Variants in AFMID observed in about 807,000 individuals in gnomAD.
AFMID encodes kynurenine formamidase.
Under a neutral mutation model 47.5 loss-of-function variants are expected in AFMID, and 39 were observed. The observed-to-expected ratio is 0.82, with a 90% CI of 0.64 to 1.07. The LOEUF (loss-of-function observed/expected upper bound fraction) is 1.07, where lower values mean the gene tolerates loss of function less well. Among genes scored for constraint, AFMID ranks in the 50% least tolerant of loss-of-function variants. The probability of loss-of-function intolerance (pLI) is 0.00; values close to 1 mark genes in which losing one functional copy is unlikely to be tolerated. For synonymous variants in AFMID, 130 were observed against 153.2 expected (o/e 0.85, Z 1.12); for missense variants, 375 against 387.5 (o/e 0.97, Z 0.27).
intron 1 of AFMID, 59 bp downstream of exon 1, chr17:78,187,492 T>C: frequency 6.3e-7 from 1 of 1,599,148 alleles, no homozygotes; most frequent in Non-Finnish European, 8.6e-7. Flanking sequence ...ATTTATTAGA[T>C]TGGAATTCCA....
At position 78,205,386 on chromosome 17, in the gene AFMID, C is replaced by T. The variant is rs930317983; in HGVS notation, c.566-54C>T. ...CCCTCTGGCGGTGGGGGTGGGCTGGCCCTGCCTTGCTCCGCCTGGAGCCTG... is the reference window on the plus strand; with the variant it reads ...CCCTCTGGCGGTGGGGGTGGGCTGGTCCTGCCTTGCTCCGCCTGGAGCCTG... On this transcript the variant is annotated intron_variant, in intron 7 of 10. Transcript: ENST00000409257. 14 of 1,598,684 alleles carry T rather than the reference C, an allele frequency of 8.8e-6. No individual in the cohort carries two copies. In the East Asian group the frequency reaches 2.9e-4, roughly 33 times the overall value.
intron 2 of AFMID, among the ~76,000 whole-genome samples, chr17:78,198,396 C>G (rs1025668236): frequency 6.6e-6 from 1 of 151,072 alleles, no homozygotes; most frequent in Non-Finnish European, 1.5e-5. Flanking sequence ...GTCAGGAGTT[C>G]GAGACCAACC....
At chr17:78,206,398 C>T (rs1442048640) in intron 10 of AFMID, among the ~76,000 whole-genome samples, 9 of 149,556 alleles carry the variant, frequency 6.0e-5, no homozygotes, top group Non-Finnish European at 1.3e-4. Flanking sequence ...CTAAGAAAGA[C>T]CATCTTGTTT....
chr17:78,201,779 A>G (rs151012848), intron 2 of AFMID, among the ~76,000 whole-genome samples: 3,238 of 151,700 alleles, frequency 0.021, 108 homozygotes, highest in African/African-American at 0.072. Context: ...CCCCCAGGCT[A>G]GAGTGCAGTG....
In AFMID at chr17:78,205,440, G is replaced by A. The variant is rs1397169109; in HGVS notation, c.566G>A (p.Gly189Asp). 2 of 1,614,188 alleles carry A rather than the reference G, an allele frequency of 1.2e-6. No homozygotes were observed. Among genetic ancestry groups the A allele is most frequent in the Admixed American group, 1.7e-5 (1 of 60,018 alleles). The change falls in exon 8 of 11, where the codon GGC (glycine) becomes GAC (aspartate). Residue 189 changes from glycine to aspartate, a missense_variant and splice_region_variant. By Grantham distance (94) the Gly-to-Asp change is moderately conservative. Transcript: ENST00000409257. ...CTGTGACAATTCTGTACCTTCACAG[G>A]CTTTTTCCTGGTGAGTGGGGTCTTT... ...TKHGVTPNLR[G>D]FFLVSGVFDL...
intron 2 of AFMID, among the ~76,000 whole-genome samples, chr17:78,198,464 C>T (rs1310210961): frequency 6.6e-6 from 1 of 151,444 alleles, no homozygotes; most frequent in Non-Finnish European, 1.5e-5. Context: ...AAAAATTAGC[C>T]ATGCATGGTG....
At chr17:78,202,805 G>A in intron 4 of AFMID, 54 bp downstream of exon 4, 2 of 1,542,972 alleles carry the variant, frequency 1.3e-6, no homozygotes, top group Non-Finnish European at 1.8e-6. Context: ...CTTTCCCTGG[G>A]GGACTCCTCC....
chr17:78,193,792 A>G (rs1450564051), intron 2 of AFMID, among the ~76,000 whole-genome samples: 2 of 151,986 alleles, frequency 1.3e-5, no homozygotes, highest in African/African-American at 2.4e-5. Context: ...CCTGGCTAAC[A>G]CGGTGAAACC....
chr17:78,194,143 C>T (rs2076049146), intron 2 of AFMID, among the ~76,000 whole-genome samples: 1 of 149,316 alleles, frequency 6.7e-6, no homozygotes, highest in Admixed American at 6.7e-5. Flanking sequence ...CAAGGCCTCG[C>T]TTTGTCACCC....
intron 2 of AFMID, chr17:78,192,695 C>G (rs1455735301): frequency 2.1e-6 from 1 of 470,110 alleles, no homozygotes; most frequent in Non-Finnish European, 4.4e-6. Flanking sequence ...TCCATCTCTA[C>G]CCTGTATCTG....
intron 4 of AFMID, chr17:78,203,015 A>G: frequency 2.2e-6 from 1 of 445,194 alleles, no homozygotes. Flanking sequence ...CTCCATTCAC[A>G]TGTGATCCTG....
At position 78,191,783 on chromosome 17, in the gene AFMID, G is replaced by A. The variant is rs909666257; in HGVS notation, c.154+723G>A. On this transcript the variant is annotated intron_variant, in intron 2 of 10. Transcript: ENST00000409257. The stretch of plus-strand genomic sequence containing the variant: ...CAGCTCACTGCAACCTCTGCTTCCC[G>A]GGTTCAAGCGATTCTCCTGACTCAG... Among the ~76,000 whole-genome samples, 9 of 151,528 alleles carry A rather than the reference G, an allele frequency of 5.9e-5. No homozygotes were observed. The South Asian group carries it at 1.7e-3, about 28-fold the overall frequency.
At chr17:78,192,690 C>T (rs1038364085) in intron 2 of AFMID, 1 of 470,262 alleles carries the variant, frequency 2.1e-6, no homozygotes, top group Non-Finnish European at 4.4e-6. Context: ...CCATTTCCAT[C>T]TCTACCCTGT....
intron 2 of AFMID, among the ~76,000 whole-genome samples, chr17:78,193,138 G>GA (rs2076016550): frequency 6.6e-6 from 1 of 152,056 alleles, no homozygotes; most frequent in Admixed American, 6.6e-5. Context: ...TTGGGAGGCC[G>GA]AGGCGGGCGG....
intron 10 of AFMID, 81 bp downstream of exon 10, chr17:78,206,131 T>A: frequency 8.1e-7 from 1 of 1,232,196 alleles, no homozygotes; most frequent in Non-Finnish European, 1.2e-6. Context: ...AAACCAGGAG[T>A]TCAAGACCAG....
chr17:78,204,970 A>G (rs2145879009), intron 6 of AFMID, 70 bp downstream of exon 6: 1 of 1,598,024 alleles, frequency 6.3e-7, no homozygotes, highest in South Asian at 1.1e-5. Flanking sequence ...ATCAGTACCT[A>G]GGATACAGCC....
intron 2 of AFMID, among the ~76,000 whole-genome samples, chr17:78,192,175 A>AT (rs201019004): frequency 0.086 from 10,716 of 124,052 alleles, 739 homozygotes; most frequent in African/African-American, 0.21. Flanking sequence ...AGTGTTTTGT[A>AT]TTTTTTTTTT....
chr17:78,206,026 C>T lies in AFMID; in HGVS notation c.861C>T (p.Thr287=), dbSNP rs1026812271. Residue 287 remains threonine (T), a synonymous_variant, in exon 10 of 11, where the codon ACC becomes ACT. Transcript: ENST00000409257. ...ACTTTGAAATTGTTGAGAATCTGAC[C>T]CAGAAGGACAACGTGCTCACCCAGG... ...VDHFEIVENL[T]QKDNVLTQII... is the part of the protein sequence containing the mutation. 1.8e-5 allele frequency: 29 copies of T among 1,613,968 alleles called. 1 individual carries two copies. Among genetic ancestry groups the T allele is most frequent in the Middle Eastern group, 1.6e-4 (1 of 6,082 alleles).
At chr17:78,206,442 CCT>C (rs2076385539) in intron 10 of AFMID, among the ~76,000 whole-genome samples, 1 of 151,102 alleles carries the variant, frequency 6.6e-6, no homozygotes, top group South Asian at 2.1e-4. Flanking sequence ...GACAGGGTCT[CCT>C]CTCTTGCACC....
Sources: gnomAD v4.1 joint callset for allele counts (sites outside exome capture counted in the v4.1 genomes callset) on GRCh38, gnomAD v4.1.1 for gene constraint, MANE v1.5 for transcripts, NCBI Gene and HGNC (gene_info 2026-07-23, HGNC 2026-07-21) for gene names.